DZIP3: variants seen among roughly 807,000 people sequenced by gnomAD.
DZIP3 encodes DAZ interacting zinc finger protein 3.
DZIP3 carries 118 observed loss-of-function variants against 162.0 expected under a neutral mutation model. The ratio of observed to expected loss-of-function variants is 0.73; its 90% CI spans 0.63 to 0.85. The LOEUF is 0.85. DZIP3 is among the 40% of genes least tolerant of loss of function. The pLI, the probability that DZIP3 is intolerant of heterozygous loss-of-function variation, is 0.00. For synonymous variants in DZIP3, 438 were observed against 458.6 expected, an observed-to-expected ratio of 0.96 and a Z score of 0.57; for missense variants, 1,331 against 1,407.0, an observed-to-expected ratio of 0.95 and a Z score of 0.86.
chr3:108,646,918 G>A (rs1942648478), intron 15 of DZIP3, among the ~76,000 whole-genome samples: 1 of 152,236 alleles, frequency 6.6e-6, no homozygotes, highest in East Asian at 1.9e-4. Flanking sequence ...GCGGGTGCCT[G>A]TAGTCCCAGC....
intron 8 of DZIP3, among the ~76,000 whole-genome samples, 185 bp from the exon 9 acceptor site, chr3:108,632,768 C>T (rs1018737484): frequency 6.6e-6 from 1 of 152,022 alleles, no homozygotes; most frequent in Non-Finnish European, 1.5e-5. Context: ...TTAGGACCTT[C>T]CTATACATTG....
chr3:108,631,055 A>ACACACACACAGACACTCTCTCTCTCTCT, intron 8 of DZIP3, among the ~76,000 whole-genome samples: 1 of 18,014 alleles, frequency 5.6e-5, no homozygotes, highest in African/African-American at 2.8e-4. Context: ...ACACACACAC[A>ACACACACACAGACACTCTCTCTCTCTCT]CTCTCTCTCT....
At chr3:108,686,716 C>T (rs1653771116) in intron 28 of DZIP3, 132 bp downstream of exon 28, 7 of 1,122,252 alleles carry the variant, frequency 6.2e-6, no homozygotes, top group Non-Finnish European at 8.3e-6. Flanking sequence ...TTACCTTGAC[C>T]TTGGTAAGGA....
At chr3:108,611,379 G>T (rs776305635) in intron 4 of DZIP3, 50 bp downstream of exon 4, 2 of 1,585,654 alleles carry the variant, frequency 1.3e-6, no homozygotes, top group South Asian at 1.2e-5. Flanking sequence ...GTCTGTATAT[G>T]ACTTTTTTAA....
intron 27 of DZIP3, among the ~76,000 whole-genome samples, chr3:108,686,100 T>C (rs1316092035): frequency 1.3e-5 from 2 of 152,212 alleles, no homozygotes; most frequent in African/African-American, 4.8e-5. Flanking sequence ...TAAACAGCCT[T>C]CATGTTTTGC....
chr3:108,642,575 G>A (rs763858034), intron 13 of DZIP3, 61 bp downstream of exon 13: 124 of 1,385,726 alleles, frequency 8.9e-5, no homozygotes, highest in Non-Finnish European at 1.2e-4. Context: ...TGACTTCTCT[G>A]TCAACTTTCA....
chr3:108,669,600 C>T, intron 21 of DZIP3, 81 bp from the exon 22 acceptor site: 1 of 1,286,502 alleles, frequency 7.8e-7, no homozygotes, highest in South Asian at 1.3e-5. Flanking sequence ...ATCTCCTCCA[C>T]AGCTGTAGTT....
chr3:108,605,456 A>G lies in DZIP3; in HGVS notation c.32+18A>G, dbSNP rs1320530882. The G allele has an allele frequency of 1.9e-6, 3 of 1,612,530 alleles. No individual in the cohort carries two copies. The highest frequency in any genetic ancestry group is 2.5e-6 in the Non-Finnish European group (3 of 1,179,322). ...TTTGTGAGGTAAGGCCACAGTCCCC[A>G]ACCTTTTTGGCACCATGGACTGGTT... On this transcript the variant is annotated intron_variant, in intron 2 of 32. Transcript: ENST00000361582.
chr3:108,644,004 C>T (rs941262871), intron 13 of DZIP3, among the ~76,000 whole-genome samples, 160 bp from the exon 14 acceptor site: 3 of 152,140 alleles, frequency 2.0e-5, no homozygotes, highest in Non-Finnish European at 4.4e-5. Context: ...AGGCAGAAAG[C>T]AGCATGCTAA....
chr3:108,626,796 A>G (rs2966560), intron 7 of DZIP3, among the ~76,000 whole-genome samples: 50,338 of 152,146 alleles, frequency 0.33, 8,673 homozygotes, highest in Middle Eastern at 0.38. Context: ...ACTAGAGTGA[A>G]TAACTAAAGT....
chr3:108,596,871 G>A (rs74934863), intron 1 of DZIP3, among the ~76,000 whole-genome samples: 2,312 of 152,234 alleles, frequency 0.015, 72 homozygotes, highest in African/African-American at 0.052. Flanking sequence ...AGACATAAAC[G>A]GCTGGTAGAA....
In DZIP3 at chr3:108,653,507, G is replaced by GTGTATATATA. The variant is rs1273159630; in HGVS notation, c.2034-637_2034-636insGTATATATAT. 9.4e-3 allele frequency among the ~76,000 whole-genome samples: 978 copies of GTGTATATATA among 104,084 alleles called. 9 individuals are homozygous for GTGTATATATA. The highest frequency in any genetic ancestry group is 0.014 in the Non-Finnish European group (674 of 49,440). The allele number at this position is 104,084 out of a possible 152,430, so 68.3% of individuals were successfully genotyped here. On this transcript the variant is annotated intron_variant, in intron 18 of 32. Transcript: ENST00000361582. ...TGGTTAATTGCCATTGTGTGTGTGT[G>GTGTATATATA]TATATATATATATATATATATATAT...
At chr3:108,614,606 A>G (rs775327317) in intron 4 of DZIP3, among the ~76,000 whole-genome samples, 4 of 152,068 alleles carry the variant, frequency 2.6e-5, no homozygotes, top group Non-Finnish European at 5.9e-5. Flanking sequence ...TTCCATGTCT[A>G]TATCTCTATG....
At position 108,684,064 on chromosome 3, in the gene DZIP3, GACAT is replaced by G. The variant is rs577349489; in HGVS notation, c.2884-147_2884-144del. Reference sequence around the variant, plus strand: ...CCAATATTCATATGTTTCATTTTCTGACATACATTGTTTCTAATGTGCTTTGTAT... The same window carrying G: ...CCAATATTCATATGTTTCATTTTCTGACATTGTTTCTAATGTGCTTTGTAT... On this transcript the variant is annotated intron_variant, in intron 26 of 32. Coordinates refer to ENST00000361582, the MANE Select transcript of DZIP3 (RefSeq NM_014648.4). 210 of 750,192 alleles carry G rather than the reference GACAT, an allele frequency of 2.8e-4. No homozygotes were observed. In the African/African-American group the frequency reaches 3.1e-3, roughly 11 times the overall value. The allele number at this position is 750,192 out of a possible 1,614,324, so 46.5% of individuals were successfully genotyped here. A position where few individuals can be genotyped will look rare whatever the true frequency, so the allele number is the denominator to read the frequency against.
chr3:108,643,470 G>T (rs1285559370), intron 13 of DZIP3, among the ~76,000 whole-genome samples: 2 of 151,760 alleles, frequency 1.3e-5, no homozygotes, highest in African/African-American at 4.8e-5. Flanking sequence ...ATTTCAGTAG[G>T]TCTAGAGTGG....
intron 1 of DZIP3, among the ~76,000 whole-genome samples, chr3:108,600,929 G>T (rs1939978547): frequency 6.6e-6 from 1 of 152,118 alleles, no homozygotes; most frequent in Non-Finnish European, 1.5e-5. Context: ...GATTTTATGT[G>T]AAATTAATAA....
Position 108,648,976 on chromosome 3 carries a change from A to G in DZIP3, c.2007+14A>G. On this transcript the variant is annotated intron_variant, in intron 17 of 32. Coordinates refer to ENST00000361582, the MANE Select transcript of DZIP3 (RefSeq NM_014648.4). ...AAGAATAAAAAGGTAAGAGACTATA[A>G]TAGCATTATAATACTGATTATGAAC... The G allele has an allele frequency of 8.7e-7, 1 of 1,146,558 alleles. No homozygotes were observed. The highest frequency in any genetic ancestry group is 1.5e-5 in the South Asian group (1 of 68,654). 71.0% of individuals were successfully genotyped at this position (1,146,558 alleles called of 1,614,324 possible).
chr3:108,594,228 T>G (rs1939584647), intron 1 of DZIP3, among the ~76,000 whole-genome samples: 1 of 152,120 alleles, frequency 6.6e-6, no homozygotes, highest in African/African-American at 2.4e-5. Flanking sequence ...AACTTTCATT[T>G]TATTAATTCT....
At chr3:108,638,776 C>G (rs544317970) in intron 12 of DZIP3, among the ~76,000 whole-genome samples, 9 of 152,090 alleles carry the variant, frequency 5.9e-5, no homozygotes, top group Non-Finnish European at 2.9e-5. Context: ...TTTTCTTAAC[C>G]ATCAATAGGA....
Sources: gnomAD v4.1 joint callset for allele counts (sites outside exome capture counted in the v4.1 genomes callset) on GRCh38, gnomAD v4.1.1 for gene constraint, MANE v1.5 for transcripts, NCBI Gene and HGNC (gene_info 2026-07-23, HGNC 2026-07-21) for gene names.